GRIP1: variants seen among roughly 807,000 people sequenced by gnomAD.
GRIP1 encodes glutamate receptor-interacting protein 1.
GRIP1 carries 45 observed loss-of-function variants against 129.9 expected under a neutral mutation model. The ratio of observed to expected loss-of-function variants is 0.35; its 90% confidence interval spans 0.27 to 0.44. GRIP1 has a LOEUF of 0.44. GRIP1 is among the 20% of genes least tolerant of loss of function. The probability of loss-of-function intolerance (pLI) is 1.00; values close to 1 mark genes in which losing one functional copy is unlikely to be tolerated. For missense variants in GRIP1, 1,196 were observed against 1,396.8 expected (o/e 0.86, Z 2.29); for synonymous variants, 530 against 520.8 (o/e 1.02, Z -0.24).
rs559272091 is a variant in GRIP1, at chr12:66,744,273, G to GAA, written c.-420+59778_-420+59779dup. Among the ~76,000 whole-genome samples the GAA allele has an allele frequency of 4.2e-3, 625 of 149,838 alleles. 2 individuals are homozygous for GAA. Among genetic ancestry groups the GAA allele is most frequent in the Middle Eastern group, 0.021 (6 of 292 alleles). On this transcript the variant is annotated intron_variant, in intron 1 of 4. Coordinates refer to the GRIP1 transcript ENST00000538373. ...ACCAGTACATTTATCTTCTATTCCTGAAAAAAAAAGGTTCATTCCTATAAG... is the reference window on the plus strand; with the variant it reads ...ACCAGTACATTTATCTTCTATTCCTGAAAAAAAAAAAGGTTCATTCCTATAAG...
intron 1 of GRIP1, among the ~76,000 whole-genome samples, chr12:66,774,697 C>G (rs1165271543): frequency 6.6e-6 from 1 of 152,120 alleles, no homozygotes; most frequent in Non-Finnish European, 1.5e-5. Context: ...ATGGAAATAT[C>G]ATTCCAGTAA....
chr12:66,428,971 T>C (rs2058065755), intron 14 of GRIP1, among the ~76,000 whole-genome samples: 1 of 152,228 alleles, frequency 6.6e-6, no homozygotes, highest in Admixed American at 6.5e-5. Context: ...CTTCCAGTCC[T>C]GAACTGCATC....
At chr12:66,370,205 C>T (rs138162243) in intron 23 of GRIP1, among the ~76,000 whole-genome samples, 5 of 152,294 alleles carry the variant, frequency 3.3e-5, no homozygotes, top group Admixed American at 3.3e-4. Flanking sequence ...TGGGTTAGGG[C>T]CCACCCTCAA....
At chr12:66,349,753 G>A (rs11176151) in intron 24 of GRIP1, among the ~76,000 whole-genome samples, 4,669 of 152,110 alleles carry the variant, frequency 0.031, 189 homozygotes, top group East Asian at 0.12. Flanking sequence ...AGAACAAGAT[G>A]GGAGGATCGC....
At chr12:66,352,300 C>T (rs963008472) in intron 24 of GRIP1, among the ~76,000 whole-genome samples, 1 of 151,988 alleles carries the variant, frequency 6.6e-6, no homozygotes, top group Admixed American at 6.6e-5. Flanking sequence ...TGAGCAGGGA[C>T]CTGAAGTAGA....
chr12:67,068,670 A>AC (rs2043674277), intron 1 of GRIP1, among the ~76,000 whole-genome samples: 1 of 150,314 alleles, frequency 6.7e-6, no homozygotes. Flanking sequence ...CACTGCAGGA[A>AC]CCCCCCTCCA....
At chr12:66,467,200 A>G (rs2059309875) in intron 7 of GRIP1, among the ~76,000 whole-genome samples, 2 of 152,176 alleles carry the variant, frequency 1.3e-5, no homozygotes, top group Non-Finnish European at 2.9e-5. Flanking sequence ...GCAAGGAGCC[A>G]AAGGTCTTAA....
intron 1 of GRIP1, among the ~76,000 whole-genome samples, chr12:67,010,218 T>G (rs1436813323): frequency 1.3e-5 from 2 of 152,134 alleles, no homozygotes; most frequent in African/African-American, 4.8e-5. Flanking sequence ...GAAAAAAATT[T>G]AAATGAATGA....
chr12:66,811,212 T>C (rs1215766850), intron 1 of GRIP1, among the ~76,000 whole-genome samples: 5 of 152,218 alleles, frequency 3.3e-5, no homozygotes, highest in African/African-American at 1.2e-4. Flanking sequence ...TTCTACCATA[T>C]AGAATATGTT....
chr12:66,726,511 AAAAC>A (rs1281696693), intron 1 of GRIP1, among the ~76,000 whole-genome samples: 4 of 152,192 alleles, frequency 2.6e-5, no homozygotes. Context: ...ACAACAACAA[AAAAC>A]AAACAACTTT....
upstream of GRIP1, among the ~76,000 whole-genome samples, chr12:66,805,244 T>C (rs2038965584): frequency 6.6e-6 from 1 of 152,218 alleles, no homozygotes. Context: ...TTTCATAATA[T>C]GCTCACATGC....
chr12:66,554,285 C>T (rs185262014), intron 2 of GRIP1, among the ~76,000 whole-genome samples: 56 of 152,246 alleles, frequency 3.7e-4, no homozygotes, highest in African/African-American at 1.3e-3. Context: ...GATTTCTAGA[C>T]AAAACCTGGG....
chr12:66,933,321 T>A (rs2041430776), intron 1 of GRIP1, among the ~76,000 whole-genome samples: 1 of 152,140 alleles, frequency 6.6e-6, no homozygotes, highest in East Asian at 1.9e-4. Context: ...AAATCCACAA[T>A]AAAAGATGAG....
chr12:66,401,598 G>GTATATATATATATATATATATATATATA (rs1555177931), intron 16 of GRIP1, among the ~76,000 whole-genome samples: 1 of 66,262 alleles, frequency 1.5e-5, no homozygotes, highest in African/African-American at 6.1e-5. Flanking sequence ...AAATATGTGT[G>GTATATATATATATATATATATATATATA]TATATATATA....
intron 14 of GRIP1, among the ~76,000 whole-genome samples, chr12:66,429,957 T>C (rs2058099054): frequency 6.6e-6 from 1 of 152,194 alleles, no homozygotes; most frequent in Non-Finnish European, 1.5e-5. Flanking sequence ...TTGCTCTTAA[T>C]CATTTTCTAA....
At chr12:66,640,489 T>G (rs905880006) in intron 1 of GRIP1, among the ~76,000 whole-genome samples, 3 of 152,188 alleles carry the variant, frequency 2.0e-5, no homozygotes, top group Non-Finnish European at 2.9e-5. Flanking sequence ...ATACTCAAGC[T>G]AGAAGAAAAG....
chr12:66,372,441 T>A (rs539246398), intron 22 of GRIP1: 1 of 204,174 alleles, frequency 4.9e-6, no homozygotes, highest in African/African-American at 2.3e-5. Context: ...CTTCCCAAGC[T>A]TCGTCTAGAC....
intron 1 of GRIP1, among the ~76,000 whole-genome samples, chr12:66,775,367 T>A (rs1314819170): frequency 6.6e-6 from 1 of 152,208 alleles, no homozygotes; most frequent in Admixed American, 6.5e-5. Context: ...TCAGTTGGCA[T>A]CTTTGACAAC....
chr12:66,481,916 G>A (rs1050388384), intron 7 of GRIP1, among the ~76,000 whole-genome samples: 1 of 151,834 alleles, frequency 6.6e-6, no homozygotes, highest in Admixed American at 6.6e-5. Flanking sequence ...CATGGACACA[G>A]GGAGGGGAAC....
Sources: gnomAD v4.1 joint callset for allele counts (sites outside exome capture counted in the v4.1 genomes callset) on GRCh38, gnomAD v4.1.1 for gene constraint, MANE v1.5 for transcripts, NCBI Gene and HGNC (gene_info 2026-07-23, HGNC 2026-07-21) for gene names.